NFIA: variants seen among roughly 807,000 people sequenced by gnomAD.
NFIA encodes nuclear factor I A.
A neutral mutation model predicts 62.8 loss-of-function variants in NFIA; 8 were observed. That is an observed-to-expected ratio of 0.13 (90% CI 0.07 to 0.23). The LOEUF (loss-of-function observed/expected upper bound fraction) is 0.23, where lower values mean the gene tolerates loss of function less well. Ranked by LOEUF, NFIA falls within the 10% of genes least tolerant of loss-of-function variation. The pLI, the probability that NFIA is intolerant of heterozygous loss-of-function variation, is 1.00. For missense variants in NFIA, 410 were observed against 642.1 expected (o/e 0.64, Z 3.91); for synonymous variants, 235 against 238.1 (o/e 0.99, Z 0.12).
chr1:61,283,442 C>T (rs892621724), intron 3 of NFIA, among the ~76,000 whole-genome samples: 11 of 150,814 alleles, frequency 7.3e-5, no homozygotes, highest in Non-Finnish European at 1.5e-4. Context: ...ATTAACCGGG[C>T]GTGATGGCAG....
At chr1:61,427,110 G>A (rs1218146141) in intron 10 of NFIA, among the ~76,000 whole-genome samples, 10 of 152,128 alleles carry the variant, frequency 6.6e-5, no homozygotes, top group Non-Finnish European at 1.3e-4. Flanking sequence ...AGGTGCGGTG[G>A]GTGGCAAGGG....
chr1:61,226,902 TC>T (rs1460325854), intron 2 of NFIA, among the ~76,000 whole-genome samples: 1 of 152,150 alleles, frequency 6.6e-6, no homozygotes, highest in Non-Finnish European at 1.5e-5. Flanking sequence ...AGCTTTAACC[TC>T]CCGGCTGCTT....
chr1:61,215,551 G>T (rs561725894), intron 2 of NFIA, among the ~76,000 whole-genome samples: 93 of 152,138 alleles, frequency 6.1e-4, no homozygotes, highest in African/African-American at 2.1e-3. Flanking sequence ...TTAATGTAAG[G>T]TTCTTTCCAC....
intron 5 of NFIA, among the ~76,000 whole-genome samples, chr1:61,358,389 T>C (rs1340156651): frequency 1.5e-5 from 2 of 133,758 alleles, no homozygotes; most frequent in Admixed American, 7.5e-5. Flanking sequence ...CTTTTTTTTT[T>C]TTTTTTTTTT....
chr1:61,190,162 T>C (rs888345298), intron 2 of NFIA, among the ~76,000 whole-genome samples: 3 of 152,142 alleles, frequency 2.0e-5, no homozygotes, highest in Non-Finnish European at 2.9e-5. Context: ...GGTGGTACTA[T>C]TTCCCCCCAT....
chr1:61,121,696 TAAAAG>T lies in NFIA; in HGVS notation c.559+33020_559+33024del, dbSNP rs200861413. On this transcript the variant is annotated intron_variant, in intron 2 of 10. Coordinates refer to ENST00000403491, the MANE Select transcript of NFIA (RefSeq NM_001134673.4). ...TTTCTCCCTCTTACCCTCAATAAGT[TAAAAG>T]AAAGGAAAATTTTTTAACCTAACCT... Among the ~76,000 whole-genome samples the T allele has an allele frequency of 2.9e-3, 437 of 152,286 alleles. 8 individuals carry two copies. In the East Asian group the frequency reaches 0.033, roughly 12 times the overall value.
At chr1:61,420,461 A>G (rs111494746) in intron 9 of NFIA, among the ~76,000 whole-genome samples, 3,833 of 152,006 alleles carry the variant, frequency 0.025, 68 homozygotes, top group Middle Eastern at 0.054. Flanking sequence ...TCCTTGTTTC[A>G]GTTTGCAACT....
At chr1:61,383,143 G>T (rs761300009) in intron 6 of NFIA, 94 bp from the exon 7 acceptor site, 105 of 1,467,910 alleles carry the variant, frequency 7.2e-5, no homozygotes, top group Non-Finnish European at 9.4e-5. Context: ...TTCTCTTTTT[G>T]TTTGTTTTTA....
intron 2 of NFIA, among the ~76,000 whole-genome samples, chr1:61,219,938 G>T (rs1178274434): frequency 6.6e-6 from 1 of 151,978 alleles, no homozygotes; most frequent in Non-Finnish European, 1.5e-5. Context: ...ACTCCAGCCT[G>T]GAGACAGAAC....
intron 3 of NFIA, among the ~76,000 whole-genome samples, chr1:61,307,910 G>A (rs865844765): frequency 6.6e-6 from 1 of 152,168 alleles, no homozygotes; most frequent in Non-Finnish European, 1.5e-5. Flanking sequence ...GTCAGTTGTT[G>A]TTGTTGTTAT....
intron 2 of NFIA, among the ~76,000 whole-genome samples, chr1:61,168,388 A>G (rs189318490): frequency 6.6e-6 from 1 of 152,346 alleles, no homozygotes; most frequent in Non-Finnish European, 1.5e-5. Context: ...TGAGAGATAT[A>G]TTTGAAAAAG....
chr1:61,130,326 G>A (rs1347160650), intron 2 of NFIA, among the ~76,000 whole-genome samples: 3 of 152,120 alleles, frequency 2.0e-5, no homozygotes, highest in Non-Finnish European at 4.4e-5. Context: ...ACAACAGACA[G>A]ATGTCATCTT....
chr1:61,246,732 A>G (rs888824404), intron 2 of NFIA, among the ~76,000 whole-genome samples: 14 of 152,222 alleles, frequency 9.2e-5, no homozygotes, highest in Non-Finnish European at 1.6e-4. Flanking sequence ...AATTATTGCA[A>G]TCAGAAGTAT....
At chr1:61,329,423 C>G (rs1661165863) in intron 3 of NFIA, among the ~76,000 whole-genome samples, 1 of 147,150 alleles carries the variant, frequency 6.8e-6, no homozygotes, top group Non-Finnish European at 1.5e-5. Context: ...TGCTCTGTCA[C>G]CCATGCTAGA....
At chr1:61,325,715 G>A (rs375372760) in intron 3 of NFIA, among the ~76,000 whole-genome samples, 3 of 151,918 alleles carry the variant, frequency 2.0e-5, no homozygotes, top group African/African-American at 4.8e-5. Context: ...TCAGGAGATC[G>A]AGACCATCCT....
At chr1:61,082,147 TACAGACTGTA>T (rs1570106334), upstream of NFIA, 1 of 746,930 alleles carries the variant, frequency 1.3e-6, no homozygotes, top group Non-Finnish European at 1.9e-6. Flanking sequence ...TGCCCGGGAG[TACAGACTGTA>T]ACTGCTCCTC....
chr1:61,104,053 A>G (rs999344480), intron 2 of NFIA, among the ~76,000 whole-genome samples: 1 of 152,124 alleles, frequency 6.6e-6, no homozygotes, highest in East Asian at 1.9e-4. Context: ...GTGAGGGTAT[A>G]ATCTTTATAC....
intron 2 of NFIA, chr1:61,251,113 T>C (rs899681685): frequency 6.6e-6 from 1 of 152,208 alleles, no homozygotes; most frequent in African/African-American, 2.4e-5. Flanking sequence ...TTCAAAGGCT[T>C]CTTTTAATAA....
intron 4 of NFIA, among the ~76,000 whole-genome samples, chr1:61,347,484 T>A (rs530751271): frequency 2.6e-5 from 4 of 152,150 alleles, no homozygotes; most frequent in Middle Eastern, 3.2e-3. Context: ...ACTTTGCTTC[T>A]TATCTCCAAA....
Sources: gnomAD v4.1 joint callset for allele counts (sites outside exome capture counted in the v4.1 genomes callset) on GRCh38, gnomAD v4.1.1 for gene constraint, MANE v1.5 for transcripts, NCBI Gene and HGNC (gene_info 2026-07-23, HGNC 2026-07-21) for gene names.